Variants in PIK3AP1 observed in about 807,000 individuals in gnomAD.
PIK3AP1 encodes phosphoinositide-3-kinase adaptor protein 1.
A neutral mutation model predicts 88.1 loss-of-function variants in PIK3AP1; 21 were observed. The ratio of observed to expected loss-of-function variants is 0.24; its 90% CI spans 0.17 to 0.34. The LOEUF (loss-of-function observed/expected upper bound fraction) is 0.34, where lower values mean the gene tolerates loss of function less well. Ranked by LOEUF, PIK3AP1 falls within the 10% of genes least tolerant of loss-of-function variation. The pLI is 1.00. For missense variants in PIK3AP1, 828 were observed against 1,035.7 expected (o/e 0.80, Z 2.75); for synonymous variants, 398 against 400.0 (o/e 1.00, Z 0.06).
At chr10:96,694,965 AGGGCAAAACAC>A (rs767925434) in intron 2 of PIK3AP1, among the ~76,000 whole-genome samples, 3 of 152,330 alleles carry the variant, frequency 2.0e-5, no homozygotes, top group Non-Finnish European at 2.9e-5. Context: ...GGGAAAGACT[AGGGCAAAACAC>A]TGTTTTAAAG....
At chr10:96,702,614 C>CCACACACACACACACA (rs3035892) in intron 2 of PIK3AP1, among the ~76,000 whole-genome samples, 1 of 145,080 alleles carries the variant, frequency 6.9e-6, no homozygotes, top group African/African-American at 2.5e-5. Context: ...AGTGTTCTCA[C>CCACACACACACACACA]CACACACACA....
intron 2 of PIK3AP1, among the ~76,000 whole-genome samples, chr10:96,659,549 G>C (rs1235648555): frequency 6.6e-6 from 1 of 151,984 alleles, no homozygotes; most frequent in Non-Finnish European, 1.5e-5. Context: ...TCATATTAAA[G>C]TGAGAACTCT....
chr10:96,595,621 C>T lies in PIK3AP1; in HGVS notation c.2374G>A (p.Glu792Lys), dbSNP rs865923905. ...RAASQRPPTR[E>K]TFHPPPPVPP... ...ACAGGTGGAGGAGGATGGAAGGTCT[C>T]CCTGGTCGGAGGCCTAAAATGAAAG... is the stretch of plus-strand genomic sequence containing the variant. Residue 792 changes from glutamate to lysine, a missense_variant, in exon 17 of 17, where the codon GAG becomes AAG. Around this residue, in one of 3 missense-constraint regions of PIK3AP1, gnomAD observed 191 missense variants for 208.6 expected, o/e 0.92. Transcript: ENST00000339364. The T allele has an allele frequency of 1.2e-6, 2 of 1,613,164 alleles. No individual in the cohort carries two copies. The highest frequency in any genetic ancestry group is 4.5e-5 in the East Asian group (2 of 44,884).
chr10:96,658,173 A>G (rs7098785), intron 2 of PIK3AP1, among the ~76,000 whole-genome samples: 96,627 of 152,026 alleles, frequency 0.64, 32,436 homozygotes, highest in African/African-American at 0.87. Flanking sequence ...GCAGCCAAAT[A>G]TGTTAGGTAC....
chr10:96,651,339 T>A lies in PIK3AP1; in HGVS notation c.897A>T (p.Lys299Asn). Residue 299 changes from lysine to asparagine, a missense_variant, in exon 6 of 17, where the codon AAA becomes AAT. Lys to Asn is a moderately conservative substitution (Grantham distance 94). Coordinates refer to ENST00000339364, the MANE Select transcript of PIK3AP1 (RefSeq NM_152309.3). ...TGTTCTTCAGGGATTCGGTTAGCAG[T>A]TTATCAAGGGTCTCTGTGTTGTAGG... is the stretch of plus-strand genomic sequence containing the variant. ...IVPYNTETLD[K>N]LLTESLKNNI... The A allele has an allele frequency of 6.2e-7, 1 of 1,614,184 alleles. No individual in the cohort carries two copies. The highest frequency in any genetic ancestry group is 2.2e-5 in the East Asian group (1 of 44,890).
chr10:96,709,967 G>A lies in PIK3AP1; in HGVS notation c.30C>T (p.Cys10=), dbSNP rs745891874. Residue 10 remains cysteine, a synonymous_variant, in exon 2 of 17, where the codon TGC becomes TGT. Coordinates refer to ENST00000339364, the MANE Select transcript of PIK3AP1 (RefSeq NM_152309.3). MAASGVPRG[C]DILIVYSPDA... is the part of the protein sequence containing the mutation. ...CCGGGCTGTAGACGATGAGGATGTCGCATCCTCTGGGCACCCCTGGACAAG... is the reference window on the plus strand; with the variant it reads ...CCGGGCTGTAGACGATGAGGATGTCACATCCTCTGGGCACCCCTGGACAAG... 5.7e-6 allele frequency: 9 copies of A among 1,588,858 alleles called. No homozygotes were observed. Among genetic ancestry groups the A allele is most frequent in the East Asian group, 4.5e-5 (2 of 44,358 alleles).
At chr10:96,674,414 C>T (rs1843888819) in intron 2 of PIK3AP1, among the ~76,000 whole-genome samples, 1 of 152,176 alleles carries the variant, frequency 6.6e-6, no homozygotes, top group Non-Finnish European at 1.5e-5. Flanking sequence ...TGGTTTGTTG[C>T]ACAGGCTTAT....
chr10:96,606,868 T>G (rs1849012128), intron 14 of PIK3AP1, among the ~76,000 whole-genome samples: 1 of 152,076 alleles, frequency 6.6e-6, no homozygotes, highest in Admixed American at 6.6e-5. Flanking sequence ...GAGAAAAAAA[T>G]GACCATATAA....
At chr10:96,604,625 C>A (rs1472273675) in intron 14 of PIK3AP1, among the ~76,000 whole-genome samples, 1 of 152,068 alleles carries the variant, frequency 6.6e-6, no homozygotes, top group African/African-American at 2.4e-5. Context: ...GCCATTTAAC[C>A]CCTATGAAAA....
intron 8 of PIK3AP1, among the ~76,000 whole-genome samples, chr10:96,642,411 G>T (rs2134224928): frequency 1.0e-5 from 1 of 99,470 alleles, no homozygotes; most frequent in South Asian, 3.9e-4. Context: ...GAGCAATAGA[G>T]CCAGATGTTG....
intron 2 of PIK3AP1, chr10:96,669,488 C>T (rs1223079129): frequency 1.3e-5 from 2 of 152,122 alleles, no homozygotes; most frequent in Non-Finnish European, 2.9e-5. Context: ...GAAGATGAGG[C>T]CCCACATGAA....
At chr10:96,612,701 C>G (rs1849134198) in intron 13 of PIK3AP1, among the ~76,000 whole-genome samples, 1 of 151,856 alleles carries the variant, frequency 6.6e-6, no homozygotes, top group Admixed American at 6.6e-5. Context: ...CCTCCCCAAG[C>G]AGGCCTCCAT....
chr10:96,619,662 A>G (rs1843050153), intron 12 of PIK3AP1, among the ~76,000 whole-genome samples: 2 of 152,216 alleles, frequency 1.3e-5, no homozygotes, highest in African/African-American at 4.8e-5. Context: ...TACATCATGT[A>G]CACTTATGAT....
At chr10:96,630,559 G>A (rs2134212171) in intron 8 of PIK3AP1, among the ~76,000 whole-genome samples, 1 of 152,212 alleles carries the variant, frequency 6.6e-6, no homozygotes, top group East Asian at 1.9e-4. Context: ...TGGAGGCCGG[G>A]CACAGGGTAT....
intron 13 of PIK3AP1, among the ~76,000 whole-genome samples, chr10:96,616,257 A>C (rs114517161): frequency 1.1e-3 from 171 of 152,290 alleles, no homozygotes; most frequent in African/African-American, 3.6e-3. Flanking sequence ...AGAATCAGAA[A>C]TAGACACTGG....
At chr10:96,654,673 A>G (rs1328701476) in intron 3 of PIK3AP1, among the ~76,000 whole-genome samples, 2 of 152,168 alleles carry the variant, frequency 1.3e-5, no homozygotes, top group Non-Finnish European at 2.9e-5. Flanking sequence ...AATCGGCAAC[A>G]AGAATCCTGG....
At chr10:96,644,653 AATCATG>A (rs1160640431) in intron 8 of PIK3AP1, among the ~76,000 whole-genome samples, 2 of 152,210 alleles carry the variant, frequency 1.3e-5, no homozygotes, top group African/African-American at 4.8e-5. Context: ...TTATAAGAAA[AATCATG>A]ATCCTGAAGA....
intron 2 of PIK3AP1, among the ~76,000 whole-genome samples, chr10:96,701,424 G>T (rs1012241286): frequency 3.3e-5 from 5 of 152,162 alleles, no homozygotes; most frequent in Admixed American, 6.6e-5. Context: ...CTGAACCTTA[G>T]TTTTCTCATC....
rs1043439702 is a variant in PIK3AP1 at position 96,712,001 on chromosome 10, A to G, written c.14-2018T>C. ...GATCTCCTGACCTCGTGATCCACCC[A>G]CCTCAGCCTCCCAAAGTGCTGGAAT... On this transcript the variant is annotated intron_variant, in intron 1 of 16. Coordinates refer to ENST00000339364, the MANE Select transcript of PIK3AP1 (RefSeq NM_152309.3). Among the ~76,000 whole-genome samples the G allele has an allele frequency of 1.9e-3, 290 of 151,422 alleles. 1 individual carries two copies. Among genetic ancestry groups the G allele is most frequent in the African/African-American group, 6.8e-3 (279 of 41,294 alleles).
Sources: allele counts gnomAD v4.1 joint callset (sites outside exome capture counted in the v4.1 genomes callset), GRCh38; gene constraint gnomAD v4.1.1; regional missense constraint gnomAD v4.1.1; transcripts MANE v1.5; gene names NCBI Gene and HGNC (gene_info 2026-07-23, HGNC 2026-07-21).